The following SLC35D4 variants were observed in gnomAD, a reference collection of about 807,000 sequenced individuals.
The protein encoded by SLC35D4 is UDP-N-acetylglucosamine transporter SLC35D4.
chr18:23,316,257 C>G, the SLC35D4 span, among the ~76,000 whole-genome samples: 8 of 152,182 alleles, frequency 5.3e-5, no homozygotes, highest in Non-Finnish European at 1.0e-4. Context: ...GTATTTCAGA[C>G]AGTCTTGGAG....
the SLC35D4 span, among the ~76,000 whole-genome samples, chr18:23,324,522 G>T: frequency 3.3e-5 from 5 of 152,310 alleles, no homozygotes; most frequent in South Asian, 4.1e-4. Flanking sequence ...GCCAAATTAC[G>T]TTCACTGAGC....
chr18:23,389,720 G>T, the SLC35D4 span, among the ~76,000 whole-genome samples: 1 of 152,130 alleles, frequency 6.6e-6, no homozygotes, highest in Non-Finnish European at 1.5e-5. Flanking sequence ...TGTATTTTTA[G>T]TAGAGATGAG....
At chr18:23,260,161 C>T in the SLC35D4 span, 1 of 152,232 alleles carries the variant, frequency 6.6e-6, no homozygotes, top group Admixed American at 6.5e-5. Context: ...CCTTGCCAGC[C>T]CAATGACACC....
chr18:23,388,026 A>G, the SLC35D4 span, among the ~76,000 whole-genome samples: 1 of 152,230 alleles, frequency 6.6e-6, no homozygotes, highest in African/African-American at 2.4e-5. Context: ...GGTTAATCAC[A>G]TGACACATGG....
the SLC35D4 span, among the ~76,000 whole-genome samples, chr18:23,425,303 G>A: frequency 6.6e-6 from 1 of 152,120 alleles, no homozygotes; most frequent in East Asian, 1.9e-4. Context: ...GTTTCATGAT[G>A]TTGGCCAAGC....
the SLC35D4 span, among the ~76,000 whole-genome samples, chr18:23,357,830 G>A: frequency 3.3e-5 from 5 of 152,150 alleles, no homozygotes; most frequent in South Asian, 2.1e-4. Context: ...TTGTTTCTGC[G>A]AGTGAGTGTG....
chr18:23,307,986 C>T, the SLC35D4 span, among the ~76,000 whole-genome samples: 2 of 152,242 alleles, frequency 1.3e-5, no homozygotes, highest in African/African-American at 4.8e-5. Flanking sequence ...CTGTCTCCTG[C>T]ATACCCCCAG....
the SLC35D4 span, among the ~76,000 whole-genome samples, chr18:23,289,389 C>T: frequency 6.6e-6 from 1 of 152,180 alleles, no homozygotes; most frequent in Non-Finnish European, 1.5e-5. Flanking sequence ...TCAATTCATA[C>T]AAAACCATAT....
chr18:23,389,324 C>T, the SLC35D4 span, among the ~76,000 whole-genome samples: 22 of 152,132 alleles, frequency 1.4e-4, no homozygotes, highest in Admixed American at 1.2e-3. Flanking sequence ...TGAGAATGGA[C>T]TAATACAGCT....
the SLC35D4 span, among the ~76,000 whole-genome samples, chr18:23,289,190 C>T: frequency 6.6e-6 from 1 of 152,196 alleles, no homozygotes. Context: ...TTTCTCCAAG[C>T]CATCACAGCT....
the SLC35D4 span, among the ~76,000 whole-genome samples, chr18:23,348,713 C>T: frequency 6.6e-6 from 1 of 152,142 alleles, no homozygotes; most frequent in Admixed American, 6.5e-5. Flanking sequence ...TTCCAGCCTA[C>T]TTGTGTCTTT....
At chr18:23,288,876 CT>C in the SLC35D4 span, among the ~76,000 whole-genome samples, 1 of 152,138 alleles carries the variant, frequency 6.6e-6, no homozygotes, top group Admixed American at 6.5e-5. Context: ...GACTAATGGT[CT>C]TTTAAAAACA....
At chr18:23,375,175 G>T in the SLC35D4 span, among the ~76,000 whole-genome samples, 1 of 151,336 alleles carries the variant, frequency 6.6e-6, no homozygotes, top group African/African-American at 2.4e-5. Flanking sequence ...ATTGTGGCCA[G>T]ATAATAAGTG....
the SLC35D4 span, among the ~76,000 whole-genome samples, chr18:23,365,154 C>G: frequency 6.6e-6 from 1 of 152,090 alleles, no homozygotes; most frequent in Non-Finnish European, 1.5e-5. Context: ...ATTTGGGGTA[C>G]CATAGCAGGC....
At chr18:23,335,155 A>G in the SLC35D4 span, among the ~76,000 whole-genome samples, 7 of 152,194 alleles carry the variant, frequency 4.6e-5, no homozygotes, top group Admixed American at 6.5e-5. Context: ...ACAGGAAAAC[A>G]AGTCTGAGGA....
the SLC35D4 span, among the ~76,000 whole-genome samples, chr18:23,334,942 T>C: frequency 1.3e-5 from 2 of 151,874 alleles, no homozygotes; most frequent in Non-Finnish European, 2.9e-5. Flanking sequence ...GAGGCAGAGA[T>C]TGCAGTGAGC....
chr18:23,383,174 G>A, the SLC35D4 span, among the ~76,000 whole-genome samples: 1 of 152,088 alleles, frequency 6.6e-6, no homozygotes, highest in African/African-American at 2.4e-5. Flanking sequence ...CTCAGCAGGA[G>A]GTATGGGCTG....
the SLC35D4 span, among the ~76,000 whole-genome samples, chr18:23,344,759 G>A: frequency 1.3e-5 from 2 of 151,772 alleles, no homozygotes; most frequent in Non-Finnish European, 1.5e-5. Context: ...CCGCCACCAC[G>A]CCTGGCTAAT....
the SLC35D4 span, among the ~76,000 whole-genome samples, chr18:23,385,422 CTTTCT>C: frequency 6.6e-6 from 1 of 152,212 alleles, no homozygotes; most frequent in Non-Finnish European, 1.5e-5. Flanking sequence ...GCAGAGCAAG[CTTTCT>C]TAGAGGAAGT....
Sources: gnomAD v4.1 joint callset for allele counts (sites outside exome capture counted in the v4.1 genomes callset) on GRCh38, gnomAD v4.1.1 for gene constraint, MANE v1.5 for transcripts, NCBI Gene and HGNC (gene_info 2026-07-23, HGNC 2026-07-21) for gene names.